Variants in PPP1R13B observed in about 807,000 individuals in gnomAD.
The protein encoded by PPP1R13B is protein phosphatase 1 regulatory subunit 13B.
In PPP1R13B, 44 loss-of-function variants were observed where a neutral mutation model predicts 119.8. The ratio of observed to expected loss-of-function variants is 0.37; its 90% CI spans 0.29 to 0.47. PPP1R13B has a LOEUF of 0.47. Ranked by LOEUF, PPP1R13B falls within the 20% of genes least tolerant of loss-of-function variation. The probability of loss-of-function intolerance (pLI) is 0.99; values close to 1 mark genes in which losing one functional copy is unlikely to be tolerated. For missense variants in PPP1R13B, 1,227 were observed against 1,413.5 expected (o/e 0.87, Z 2.12); for synonymous variants, 542 against 561.5 (o/e 0.97, Z 0.49).
At chr14:103,826,721 A>G (rs2152073613) in intron 1 of PPP1R13B, among the ~76,000 whole-genome samples, 1 of 151,978 alleles carries the variant, frequency 6.6e-6, no homozygotes, top group Non-Finnish European at 1.5e-5. Flanking sequence ...AAAAAAAAAA[A>G]AAAAAAGCCA....
Position 103,746,373 on chromosome 14 carries a change from C to A in PPP1R13B, c.1150G>T (p.Ala384Ser). The A allele has an allele frequency of 1.9e-6, 3 of 1,582,174 alleles. No homozygotes were observed. The highest frequency in any genetic ancestry group is 2.6e-6 in the Non-Finnish European group (3 of 1,159,912). ...CAGGAAGAGGGCCAGGACCACTCAC[C>A]GGATTTGGATCTTCCATGAGCAGCA... The part of the protein sequence containing the change: ...SNAAHGRSKS[A>S]NDGNWPTLKQ... Residue 384 changes from alanine (A) to serine (S), a missense_variant and splice_region_variant, in exon 9 of 17, where the codon GCT becomes TCT. Transcript: ENST00000202556.
rs756318773 is a variant in PPP1R13B, at chr14:103,746,412, T to G, written c.1111A>C (p.Ser371Arg). 83 of 1,612,544 alleles carry G rather than the reference T, an allele frequency of 5.1e-5. No individual in the cohort carries two copies. The East Asian group carries it at 1.3e-3, about 26-fold the overall frequency. The change falls in exon 9 of 17, where the codon AGT becomes CGT. Residue 371 changes from serine (S) to arginine (R), a missense_variant. Coordinates refer to ENST00000202556, the MANE Select transcript of PPP1R13B (RefSeq NM_015316.3). ...LGDPIKPQSL[S>R]IASNAAHGRS... Reference sequence around the variant, plus strand: ...CCATGAGCAGCATTTGAGGCAATACTGAGAGACTGGGGCTTTATAGGGTCC... The same window carrying G: ...CCATGAGCAGCATTTGAGGCAATACGGAGAGACTGGGGCTTTATAGGGTCC...
At chr14:103,837,158 G>C (rs1439379903) in intron 1 of PPP1R13B, among the ~76,000 whole-genome samples, 2 of 152,192 alleles carry the variant, frequency 1.3e-5, no homozygotes, top group African/African-American at 4.8e-5. Flanking sequence ...GAGAACCTTG[G>C]TCCAGTGGGC....
At chr14:103,739,523 C>T (rs1308761808) in intron 12 of PPP1R13B, among the ~76,000 whole-genome samples, 1 of 152,206 alleles carries the variant, frequency 6.6e-6, no homozygotes, top group Admixed American at 6.5e-5. Context: ...CCTCGTCTCT[C>T]TACAGGACCT....
chr14:103,803,877 C>T (rs1318640911), intron 1 of PPP1R13B, among the ~76,000 whole-genome samples: 1 of 152,180 alleles, frequency 6.6e-6, no homozygotes, highest in Non-Finnish European at 1.5e-5. Flanking sequence ...CTGACCTGAC[C>T]TGAGAAAGAC....
intron 1 of PPP1R13B, among the ~76,000 whole-genome samples, chr14:103,827,964 ATTAAGAGTGATTT>A (rs1403536385): frequency 6.6e-6 from 1 of 152,148 alleles, no homozygotes; most frequent in Non-Finnish European, 1.5e-5. Flanking sequence ...GGTATTCTCT[ATTAAGAGTGATTT>A]TTAAGAGTTT....
intron 1 of PPP1R13B, among the ~76,000 whole-genome samples, chr14:103,828,049 T>C (rs1281172315): frequency 1.3e-5 from 2 of 152,076 alleles, no homozygotes; most frequent in South Asian, 2.1e-4. Flanking sequence ...TCTAATGTTT[T>C]TGTTTTATGG....
Position 103,839,364 on chromosome 14 carries a change from C to A in PPP1R13B, c.9+7935G>T, listed in dbSNP as rs576168563. Among the ~76,000 whole-genome samples, 15 of 152,044 alleles carry A rather than the reference C, an allele frequency of 9.9e-5. No homozygotes were observed. In the South Asian group the frequency reaches 2.1e-3, roughly 21 times the overall value. On this transcript the variant is annotated intron_variant, in intron 1 of 16. Transcript: ENST00000202556. ...ATCTCTCGCCGGGCACAGTGGCTCA[C>A]GCCTGTTAACCCCAGCACTTTGGGG...
At chr14:103,819,566 G>A (rs1490041635) in intron 1 of PPP1R13B, among the ~76,000 whole-genome samples, 3 of 151,812 alleles carry the variant, frequency 2.0e-5, no homozygotes, top group Non-Finnish European at 2.9e-5. Flanking sequence ...GTCTCAGGAG[G>A]CTAATATAAA....
intron 7 of PPP1R13B, among the ~76,000 whole-genome samples, chr14:103,752,755 A>G (rs1461358999): frequency 6.6e-6 from 1 of 152,096 alleles, no homozygotes; most frequent in Non-Finnish European, 1.5e-5. Flanking sequence ...GGCTGGTCTC[A>G]AACTCCTGAT....
At chr14:103,780,774 C>T (rs1346105147) in intron 3 of PPP1R13B, among the ~76,000 whole-genome samples, 1 of 147,650 alleles carries the variant, frequency 6.8e-6, no homozygotes, top group Non-Finnish European at 1.5e-5. Flanking sequence ...TGCGCCACTG[C>T]ACTACAGCCT....
rs768425283 is a variant in PPP1R13B, at chr14:103,754,211, G to A, written c.490C>T (p.Arg164Cys). 36 of 1,612,608 alleles carry A rather than the reference G, an allele frequency of 2.2e-5. No individual in the cohort carries two copies. The highest frequency in any genetic ancestry group is 1.3e-4 in the African/African-American group (10 of 74,666). The part of the protein sequence containing the change: ...QRLHFLKQQE[R>C]RQQQSISENE... ...TCAGAAATAGACTGCTGCTGACGGC[G>A]CTCCTGTTGCTTTAGAAAATGTAAA... is the stretch of plus-strand genomic sequence containing the variant. Residue 164 changes from arginine (R) to cysteine (C), a missense_variant, in exon 6 of 17, where the codon CGC becomes TGC. Arg to Cys is a radical substitution (Grantham distance 180). Transcript: ENST00000202556.
intron 1 of PPP1R13B, among the ~76,000 whole-genome samples, chr14:103,808,440 A>C (rs992640502): frequency 1.3e-5 from 2 of 152,152 alleles, no homozygotes; most frequent in African/African-American, 4.8e-5. Flanking sequence ...ATGATAGCCA[A>C]TGAGTTAGAA....
intron 2 of PPP1R13B, among the ~76,000 whole-genome samples, chr14:103,792,785 A>G (rs1258927707): frequency 1.3e-5 from 2 of 151,776 alleles, no homozygotes; most frequent in African/African-American, 4.8e-5. Flanking sequence ...AAAAAAGAAA[A>G]AGAGGCTGGG....
At chr14:103,826,747 G>A (rs2086552637) in intron 1 of PPP1R13B, among the ~76,000 whole-genome samples, 1 of 150,378 alleles carries the variant, frequency 6.6e-6, no homozygotes. Flanking sequence ...AGTGGCTCAT[G>A]CCTGTAATCC....
intron 2 of PPP1R13B, among the ~76,000 whole-genome samples, chr14:103,788,233 T>C (rs1434470616): frequency 6.6e-6 from 1 of 152,208 alleles, no homozygotes; most frequent in African/African-American, 2.4e-5. Context: ...TATTAACACC[T>C]GCAATTTCTT....
rs1467357965 is a variant in PPP1R13B at position 103,738,131 on chromosome 14, A to C, written c.2865-271T>G. 6.6e-6 allele frequency among the ~76,000 whole-genome samples: 1 copy of C among 152,264 alleles called. No homozygotes were observed. The highest frequency in any genetic ancestry group is 1.5e-5 in the Non-Finnish European group (1 of 68,050). On this transcript the variant is annotated intron_variant, in intron 14 of 16. Coordinates refer to ENST00000202556, the MANE Select transcript of PPP1R13B (RefSeq NM_015316.3). The surrounding 1 kb of genome is among the most constrained non-coding windows in gnomAD (Gnocchi z 5.6). Reference sequence around the variant, plus strand: ...GCATGGTGATGTGAATGTACATAACACACTGAAACACACATTTAAAAATAG... The same window carrying C: ...GCATGGTGATGTGAATGTACATAACCCACTGAAACACACATTTAAAAATAG...
intron 4 of PPP1R13B, among the ~76,000 whole-genome samples, chr14:103,777,362 T>A (rs1358765737): frequency 6.6e-6 from 1 of 152,140 alleles, no homozygotes; most frequent in East Asian, 1.9e-4. Context: ...CCATCTATTC[T>A]CCAAGTCTAT....
Position 103,740,280 on chromosome 14 carries a change from T to G in PPP1R13B, c.2136A>C (p.Thr712=). 1 of 1,597,812 alleles carries G rather than the reference T, an allele frequency of 6.3e-7. No individual in the cohort carries two copies. Among genetic ancestry groups the G allele is most frequent in the Non-Finnish European group, 8.5e-7 (1 of 1,171,896 alleles). The change falls in exon 12 of 17, where the codon ACA becomes ACC. Residue 712 remains threonine, a synonymous_variant. Coordinates refer to ENST00000202556, the MANE Select transcript of PPP1R13B (RefSeq NM_015316.3). This position sits in a 1 kb window ranked among gnomAD's most constrained non-coding sequence, Gnocchi z 4.6. The part of the protein sequence containing the change: ...PRPLKKRSSI[T]EPEGPGGPNI... ...TGGGCCCGCCGGGGCCCTCGGGCTC[T>G]GTGATGGAGCTGCGCTTTTTCAGGG... is the stretch of plus-strand genomic sequence containing the variant.
Sources: gnomAD v4.1 joint callset for allele counts (sites outside exome capture counted in the v4.1 genomes callset) on GRCh38, gnomAD v4.1.1 for gene constraint, Gnocchi (gnomAD v3.1) non-coding constraint, MANE v1.5 for transcripts, NCBI Gene and HGNC (gene_info 2026-07-23, HGNC 2026-07-21) for gene names.